CIMIP2A: variants seen among roughly 807,000 people sequenced by gnomAD.
CIMIP2A encodes the protein family with sequence similarity 166 member A.
chr9:137,252,819 T>A, the CIMIP2A span: 2 of 1,568,518 alleles, frequency 1.3e-6, no homozygotes, highest in Non-Finnish European at 1.7e-6. Context: ...CCCCAGTCCC[T>A]GCTTCAGGCC....
At chr9:137,252,461 A>T in the CIMIP2A span, 1 of 1,610,614 alleles carries the variant, frequency 6.2e-7, no homozygotes, top group Admixed American at 1.7e-5. Context: ...AGGGCATGGC[A>T]GACTTTGTGG....
the CIMIP2A span, chr9:137,243,701 C>A: frequency 4.3e-6 from 7 of 1,614,154 alleles, no homozygotes; most frequent in Non-Finnish European, 5.1e-6. Context: ...AAAGCATTTT[C>A]ATAGTGTGTG....
the CIMIP2A span, chr9:137,245,068 C>G: frequency 1.9e-6 from 3 of 1,610,520 alleles, no homozygotes; most frequent in Non-Finnish European, 2.5e-6. Context: ...CTTCTCCAGC[C>G]CAGCCCAGGC....
the CIMIP2A span, chr9:137,252,947 A>G: frequency 1.3e-6 from 2 of 1,596,428 alleles, no homozygotes; most frequent in East Asian, 4.5e-5. Context: ...CCCTGCGTTC[A>G]CCTCCTGGCT....
the CIMIP2A span, chr9:137,244,231 G>T: frequency 9.9e-6 from 16 of 1,613,922 alleles, no homozygotes; most frequent in Non-Finnish European, 1.4e-5. Flanking sequence ...TGGTTGCTGG[G>T]CCAGTGTGTT....
chr9:137,247,794 G>A, the CIMIP2A span: 2 of 1,428,324 alleles, frequency 1.4e-6, no homozygotes, highest in Non-Finnish European at 1.9e-6. Flanking sequence ...CCTGTCACCG[G>A]GCAACCATTG....
the CIMIP2A span, chr9:137,253,494 G>A: frequency 2.7e-5 from 39 of 1,427,428 alleles, no homozygotes; most frequent in African/African-American, 2.4e-4. Context: ...GCTCTGTGGT[G>A]TGCAGTTGTC....
chr9:137,247,661 C>A, the CIMIP2A span: 1 of 1,613,084 alleles, frequency 6.2e-7, no homozygotes, highest in Non-Finnish European at 8.5e-7. Flanking sequence ...GGCTCTCACC[C>A]AGGGACATAG....
chr9:137,245,626 A>G, the CIMIP2A span: 17 of 1,610,438 alleles, frequency 1.1e-5, no homozygotes, highest in African/African-American at 2.1e-4. Flanking sequence ...AGGGCTGGGG[A>G]CTGGCAGCTC....
the CIMIP2A span, chr9:137,251,313 G>T: frequency 6.2e-7 from 1 of 1,613,640 alleles, no homozygotes; most frequent in Non-Finnish European, 8.5e-7. Context: ...AGAAGGCAGT[G>T]AAATTCCTGG....
chr9:137,252,223 G>A, the CIMIP2A span: 35 of 1,510,094 alleles, frequency 2.3e-5, no homozygotes, highest in East Asian at 9.2e-5. Context: ...AAACCCCCAC[G>A]GCCTGAGGGC....
chr9:137,244,949 G>A, the CIMIP2A span: 1 of 1,602,460 alleles, frequency 6.2e-7, no homozygotes, highest in Non-Finnish European at 8.5e-7. Flanking sequence ...CTGGGAGGCA[G>A]AGGAGGTCCC....
the CIMIP2A span, chr9:137,244,175 G>T: frequency 6.2e-7 from 1 of 1,613,776 alleles, no homozygotes; most frequent in Non-Finnish European, 8.5e-7. Flanking sequence ...ACTCACCGGG[G>T]ATGAACCCCA....
At chr9:137,247,890 G>C in the CIMIP2A span, 1 of 627,996 alleles carries the variant, frequency 1.6e-6, no homozygotes, top group South Asian at 1.9e-5. Flanking sequence ...GAGACACTGA[G>C]GCCCAGACAG....
the CIMIP2A span, chr9:137,244,146 A>C: frequency 2.5e-6 from 4 of 1,610,852 alleles, no homozygotes; most frequent in South Asian, 1.1e-5. Flanking sequence ...GGGTGTGTCC[A>C]TGTGACCCTG....
At chr9:137,251,779 T>C in the CIMIP2A span, 108 of 1,589,788 alleles carry the variant, frequency 6.8e-5, no homozygotes, top group East Asian at 1.9e-3. Context: ...GAGCCGGGGA[T>C]GGCCTGGGAT....
chr9:137,247,439 A>T, the CIMIP2A span, among the ~76,000 whole-genome samples: 3 of 152,250 alleles, frequency 2.0e-5, no homozygotes, highest in Non-Finnish European at 4.4e-5. Flanking sequence ...GCTGCACACC[A>T]GCAGGGAGGG....
the CIMIP2A span, among the ~76,000 whole-genome samples, chr9:137,248,372 G>A: frequency 1.3e-5 from 2 of 151,564 alleles, no homozygotes; most frequent in South Asian, 2.1e-4. Context: ...GTCAAATCCC[G>A]TCTCTACTAA....
At chr9:137,254,208 AC>A in the CIMIP2A span, among the ~76,000 whole-genome samples, 1 of 151,652 alleles carries the variant, frequency 6.6e-6, no homozygotes, top group Non-Finnish European at 1.5e-5. Context: ...CCTCAGCACC[AC>A]CCCCTTTCTC....
Sources: gnomAD v4.1 joint callset for allele counts (sites outside exome capture counted in the v4.1 genomes callset) on GRCh38, gnomAD v4.1.1 for gene constraint, MANE v1.5 for transcripts, NCBI Gene and HGNC (gene_info 2026-07-23, HGNC 2026-07-21) for gene names.